Variants in LIPK observed in about 807,000 individuals in gnomAD.
The protein encoded by LIPK is lipase family member K, also known as lipase member K.
In LIPK, 32 loss-of-function variants were observed where a neutral mutation model predicts 48.6. That is an observed-to-expected ratio of 0.66 (90% CI 0.50 to 0.88). The LOEUF (loss-of-function observed/expected upper bound fraction) is 0.88, where lower values mean the gene tolerates loss of function less well. LIPK is among the 40% of genes least tolerant of loss of function. LIPK has a pLI of 0.00. For missense variants in LIPK, 507 were observed against 478.5 expected (o/e 1.06, Z -0.56); for synonymous variants, 164 against 157.4 (o/e 1.04, Z -0.32).
chr10:88,732,096 A>C, intron 4 of LIPK, 82 bp from the exon 5 acceptor site: 2 of 862,098 alleles, frequency 2.3e-6, no homozygotes, highest in Non-Finnish European at 3.7e-6. Context: ...CAAAGTATTT[A>C]TGTCTTCACT....
intron 6 of LIPK, 133 bp from the exon 7 acceptor site, chr10:88,737,502 C>T: frequency 1.2e-6 from 1 of 855,586 alleles, no homozygotes; most frequent in Admixed American, 2.8e-5. Flanking sequence ...AATAACAAGC[C>T]TCATGATTTC....
intron 6 of LIPK, among the ~76,000 whole-genome samples, chr10:88,737,089 A>C (rs1842587340): frequency 6.6e-6 from 1 of 152,176 alleles, no homozygotes; most frequent in South Asian, 2.1e-4. Context: ...AATTCATTGA[A>C]GGATTCTGGA....
intron 6 of LIPK, among the ~76,000 whole-genome samples, chr10:88,735,752 C>G (rs936271000): frequency 1.9e-4 from 29 of 152,208 alleles, no homozygotes; most frequent in African/African-American, 7.0e-4. Context: ...AAATATGCCT[C>G]CTCCAGAGCC....
In LIPK at chr10:88,732,510, C is replaced by T; in HGVS notation, c.628C>T (p.Pro210Ser). The T allele has an allele frequency of 6.2e-7, 1 of 1,612,594 alleles. No individual in the cohort carries two copies. The highest frequency in any genetic ancestry group is 1.3e-5 in the African/African-American group (1 of 74,956). Reference sequence around the variant, plus strand: ...TGTCACAGTTAAATACACCCAAAGTCCTATGAAAAAACTAACAACCCTTTC... The same window carrying T: ...TGTCACAGTTAAATACACCCAAAGTTCTATGAAAAAACTAACAACCCTTTC... ...PVVTVKYTQS[P>S]MKKLTTLSRR... is the part of the protein sequence containing the mutation. Residue 210 changes from proline (P) to serine (S), a missense_variant, in exon 6 of 10, where the codon CCT (proline) becomes TCT (serine). Physicochemically the swap from Pro to Ser is moderately conservative, Grantham distance 74 (BLOSUM62 -1). Transcript: ENST00000404190.
chr10:88,744,849 A>C (rs1842740132), intron 9 of LIPK, among the ~76,000 whole-genome samples: 1 of 152,232 alleles, frequency 6.6e-6, no homozygotes, highest in South Asian at 2.1e-4. Context: ...TTCAGGAGAA[A>C]GTTGAAACTC....
At chr10:88,717,881 G>GGT (rs534111359) in intron 1 of LIPK, among the ~76,000 whole-genome samples, 3 of 146,250 alleles carry the variant, frequency 2.1e-5, no homozygotes, top group Non-Finnish European at 4.5e-5. Flanking sequence ...ATTATTTAAT[G>GGT]TTTTTTTTTT....
At chr10:88,743,514 A>G (rs1842717436) in intron 9 of LIPK, among the ~76,000 whole-genome samples, 193 bp downstream of exon 9, 1 of 152,148 alleles carries the variant, frequency 6.6e-6, no homozygotes, top group Non-Finnish European at 1.5e-5. Flanking sequence ...CTTGCAAGGT[A>G]AATATTATTA....
chr10:88,737,835 A>T (rs747362787), intron 7 of LIPK, 54 bp downstream of exon 7: 8 of 1,581,824 alleles, frequency 5.1e-6, no homozygotes, highest in African/African-American at 1.3e-5. Context: ...CACAGAAGTG[A>T]TGAAAGTTAT....
intron 1 of LIPK, among the ~76,000 whole-genome samples, chr10:88,718,862 G>T (rs1842168112): frequency 1.3e-5 from 2 of 152,024 alleles, no homozygotes; most frequent in African/African-American, 4.8e-5. Flanking sequence ...ATTATTAATA[G>T]AATTAATAAG....
intron 7 of LIPK, 25 bp downstream of exon 7, chr10:88,737,806 G>A (rs1245903766): frequency 2.5e-6 from 4 of 1,610,874 alleles, no homozygotes; most frequent in Non-Finnish European, 3.4e-6. Context: ...TTGGGTCTGG[G>A]AAAACATTTG....
chr10:88,706,923 A>G (rs1485132529), intron 1 of LIPK, among the ~76,000 whole-genome samples: 1 of 152,124 alleles, frequency 6.6e-6, no homozygotes, highest in East Asian at 1.9e-4. Context: ...TGTGGTTCAC[A>G]TTAATGTAGA....
intron 1 of LIPK, among the ~76,000 whole-genome samples, chr10:88,709,422 T>C (rs1161471478): frequency 6.6e-6 from 1 of 152,198 alleles, no homozygotes; most frequent in Non-Finnish European, 1.5e-5. Flanking sequence ...CTCCTAATGC[T>C]ATCCTTCTCC....
chr10:88,751,856 A>G (rs1016497828), intron 9 of LIPK, among the ~76,000 whole-genome samples: 8 of 152,184 alleles, frequency 5.3e-5, no homozygotes, highest in African/African-American at 1.7e-4. Flanking sequence ...CCTCTGGCCC[A>G]GTTTTAGTCA....
intron 1 of LIPK, among the ~76,000 whole-genome samples, chr10:88,722,697 C>T (rs984772449): frequency 2.0e-5 from 3 of 152,202 alleles, no homozygotes; most frequent in South Asian, 2.1e-4. Context: ...TCTGAATGGA[C>T]GGAGTGGTTA....
rs412227 is a variant in LIPK at position 88,731,164 on chromosome 10, G to A, written c.405G>A (p.Pro135=). 342,529 of 1,570,208 alleles carry A rather than the reference G, an allele frequency of 0.22. 38,421 individuals carry two copies. Among genetic ancestry groups the A allele is most frequent in the East Asian group, 0.38 (16,462 of 43,634 alleles). ...RKHLKLSPKS[P]EYWAFSLDEM... ...ACCTTAAATTGTCACCGAAATCACCGGAATACTGGGCCTTCAGGTAAAGAG... is the reference window on the plus strand; with the variant it reads ...ACCTTAAATTGTCACCGAAATCACCAGAATACTGGGCCTTCAGGTAAAGAG... The change falls in exon 4 of 10, where the codon CCG becomes CCA. Residue 135 remains proline, a synonymous_variant. Transcript: ENST00000404190.
At chr10:88,710,797 C>T (rs929479522) in intron 1 of LIPK, among the ~76,000 whole-genome samples, 1 of 152,146 alleles carries the variant, frequency 6.6e-6, no homozygotes, top group African/African-American at 2.4e-5. Flanking sequence ...ATCTTGCAAA[C>T]CAATATTTTC....
At chr10:88,752,232 A>AT (rs1842875394) in intron 9 of LIPK, among the ~76,000 whole-genome samples, 1 of 152,154 alleles carries the variant, frequency 6.6e-6, no homozygotes, top group Admixed American at 6.5e-5. Context: ...TAGAAAGATG[A>AT]TCCCCCATGG....
rs41284084 is a variant in LIPK, at chr10:88,732,470, T to G, written c.588T>G (p.Phe196Leu). ...TGGCTAAAAAGATTAAGATATTTTT[T>G]GCACTGGCTCCAGTTGTCACAGTTA... ...PELAKKIKIF[F>L]ALAPVVTVKY... Residue 196 changes from phenylalanine to leucine, a missense_variant, in exon 6 of 10, where the codon TTT (phenylalanine) becomes TTG (leucine). Phe to Leu is a conservative substitution (Grantham distance 22, BLOSUM62 0). Transcript: ENST00000404190. The G allele has an allele frequency of 9.0e-3, 14,473 of 1,613,566 alleles. 851 individuals carry two copies. In the African/African-American group the frequency reaches 0.15, roughly 16 times the overall value.
chr10:88,739,365 A>G (rs554322417), intron 7 of LIPK, among the ~76,000 whole-genome samples: 2 of 152,290 alleles, frequency 1.3e-5, no homozygotes, highest in South Asian at 4.1e-4. Context: ...TTAATCCCCT[A>G]TACCCTTGAA....
Sources: gnomAD v4.1 joint callset for allele counts (sites outside exome capture counted in the v4.1 genomes callset) on GRCh38, gnomAD v4.1.1 for gene constraint, MANE v1.5 for transcripts, NCBI Gene and HGNC (gene_info 2026-07-23, HGNC 2026-07-21) for gene names.